The following POLI variants were observed in gnomAD, a reference collection of about 807,000 sequenced individuals.
POLI encodes the protein RAD30 homolog B.
In POLI, 58 loss-of-function variants were observed where a neutral mutation model predicts 51.6. The ratio of observed to expected loss-of-function variants is 1.12; its 90% CI spans 0.91 to 1.40. The LOEUF (loss-of-function observed/expected upper bound fraction) is 1.40. POLI is among the 40% of genes most tolerant of loss of function. The pLI is 0.00. For synonymous variants in POLI, 322 were observed against 299.7 expected (o/e 1.07, Z -0.77); for missense variants, 921 against 871.3 (o/e 1.06, Z -0.72).
In POLI at chr18:54,294,322, G is replaced by A. The variant is rs771877024; in HGVS notation, c.2078G>A (p.Arg693Lys). The part of the protein sequence containing the change: ...TDSHEGLTEN[R>K]EPDSVDEKIT... The stretch of plus-strand genomic sequence containing the variant: ...TCTCATGAAGGACTTACAGAAAATA[G>A]AGAGCCAGATTCTGTTGATGAGAAA... Residue 693 changes from arginine (R) to lysine (K), a missense_variant, in exon 10 of 10, where the codon AGA (arginine) becomes AAA (lysine). Arg to Lys is a conservative substitution (Grantham distance 26). Transcript: ENST00000579534. 1 of 1,613,212 alleles carries A rather than the reference G, an allele frequency of 6.2e-7. No individual in the cohort carries two copies. The highest frequency in any genetic ancestry group is 2.2e-5 in the East Asian group (1 of 44,854).
chr18:54,311,118 A>G (rs1568160385), intron 3 of POLI: 2 of 983,654 alleles, frequency 2.0e-6, no homozygotes, highest in African/African-American at 1.7e-5. Flanking sequence ...TGAAATCAGT[A>G]TGCTGCCACC....
Position 54,269,763 on chromosome 18 carries a change from CG to C in POLI, c.115+103del, listed in dbSNP as rs765314911. The C allele has an allele frequency of 1.9e-5, 26 of 1,394,666 alleles. No individual in the cohort carries two copies. The African/African-American group carries it at 2.6e-4, about 14-fold the overall frequency. The allele number at this position is 1,394,666 out of a possible 1,614,324, so 86.4% of individuals were successfully genotyped here. A position where few individuals can be genotyped will look rare whatever the true frequency, so the allele number is the denominator to read the frequency against. On this transcript the variant is annotated intron_variant, in intron 1 of 9. Transcript: ENST00000579534. ...GCGGCCACTGGGGCGCGACCGTCCC[CG>C]CCCCACTCGGCTCCTCTAAGAGAGG...
intron 4 of POLI, 48 bp from the exon 5 acceptor site, chr18:54,280,615 AAAAG>A (rs1055720381): frequency 1.0e-5 from 13 of 1,256,614 alleles, no homozygotes; most frequent in Middle Eastern, 1.9e-4. Context: ...TATTTTGTGA[AAAAG>A]AAAAAGGTTT....
In POLI at chr18:54,296,922, GTTA is replaced by G. The variant is rs755129596; in HGVS notation, c.*2461_*2463del. 2.1e-6 allele frequency: 2 copies of G among 967,312 alleles called. No individual in the cohort carries two copies. The highest frequency in any genetic ancestry group is 2.5e-6 in the Non-Finnish European group (2 of 813,582). The allele number at this position is 967,312 out of a possible 1,614,324, so 59.9% of individuals were successfully genotyped here. ...AAGTCTTTATAAGTCTACATTTAAG[GTTA>G]TTATTGCATATCATTGTGACTTATT... On this transcript the variant is annotated 3_prime_UTR_variant, in exon 10 of 10. Coordinates refer to ENST00000579534, the MANE Select transcript of POLI (RefSeq NM_007195.3).
chr18:54,282,714 A>AG, intron 5 of POLI, 123 bp from the exon 6 acceptor site: 1 of 596,926 alleles, frequency 1.7e-6, no homozygotes. Flanking sequence ...CCTGTGGATA[A>AG]GGGGGGACTA....
At chr18:54,310,930 TA>T (rs970313384) in intron 3 of POLI, among the ~76,000 whole-genome samples, 4 of 151,906 alleles carry the variant, frequency 2.6e-5, no homozygotes, top group East Asian at 1.9e-4. Context: ...CTCTTTTTAT[TA>T]AAAAAAAGTA....
In POLI at chr18:54,284,065, G is replaced by A. The variant is rs3218782; in HGVS notation, c.1067+52G>A. ...CATCCTATGTATTCATTCTATATAC[G>A]GTATGTGGAAAGAATATTTGATGTT... On this transcript the variant is annotated intron_variant, in intron 7 of 9. Transcript: ENST00000579534. 2,916 of 615,468 alleles carry A rather than the reference G, an allele frequency of 4.7e-3. 13 individuals carry two copies. The highest frequency in any genetic ancestry group is 6.4e-3 in the Non-Finnish European group (2,223 of 347,942). The allele number at this position is 615,468 out of a possible 1,614,324, so 38.1% of individuals were successfully genotyped here.
chr18:54,300,590 T>C (rs1422778534), downstream of POLI, among the ~76,000 whole-genome samples: 1 of 151,902 alleles, frequency 6.6e-6, no homozygotes, highest in Non-Finnish European at 1.5e-5. Context: ...AGAAAACAAA[T>C]AGTAGGTTGG....
chr18:54,288,421 CT>C, intron 8 of POLI, among the ~76,000 whole-genome samples: 1 of 152,208 alleles, frequency 6.6e-6, no homozygotes, highest in African/African-American at 2.4e-5. Context: ...GGTCTTCATT[CT>C]TTGCTTTGCA....
Position 54,295,943 on chromosome 18 carries a change from A to T in POLI, c.*1476A>T. 1 of 985,070 alleles carries T rather than the reference A, an allele frequency of 1.0e-6. No homozygotes were observed. Among genetic ancestry groups the T allele is most frequent in the Non-Finnish European group, 1.2e-6 (1 of 829,654 alleles). The allele number at this position is 985,070 out of a possible 1,614,324, so 61.0% of individuals were successfully genotyped here. On this transcript the variant is annotated 3_prime_UTR_variant, in exon 10 of 10. Coordinates refer to ENST00000579534, the MANE Select transcript of POLI (RefSeq NM_007195.3). ...CTCCTGGCCCCAGCTCTGAAATTTT[A>T]ACTTAGTTTTGGATTCCTTGGAATT...
At chr18:54,270,326 T>A (rs1294798076) in intron 1 of POLI, 1 of 152,352 alleles carries the variant, frequency 6.6e-6, no homozygotes. Context: ...CCACCACACC[T>A]GGCTGATTTT....
At chr18:54,302,841 T>C (rs1444594327), downstream of POLI, among the ~76,000 whole-genome samples, 1 of 152,190 alleles carries the variant, frequency 6.6e-6, no homozygotes, top group East Asian at 1.9e-4. Context: ...TTTTAATTTT[T>C]AGCTCCCACA....
downstream of POLI, among the ~76,000 whole-genome samples, chr18:54,298,654 G>C (rs1422896591): frequency 2.8e-5 from 4 of 145,024 alleles, no homozygotes; most frequent in Non-Finnish European, 6.0e-5. Context: ...GCAAAGGTGT[G>C]ATCTTGACTC....
chr18:54,284,094 T>C, intron 7 of POLI, 81 bp downstream of exon 7: 5 of 540,396 alleles, frequency 9.3e-6, no homozygotes, highest in Non-Finnish European at 3.4e-6. Context: ...TGATGTTCCA[T>C]CTTGGAACTG....
At position 54,298,223 on chromosome 18, in the gene POLI, C is replaced by A. The variant is rs2088426077; in HGVS notation, c.*3756C>A. 1 of 219,584 alleles carries A rather than the reference C, an allele frequency of 4.6e-6. No homozygotes were observed. The highest frequency in any genetic ancestry group is 7.7e-6 in the Non-Finnish European group (1 of 129,834). The allele number at this position is 219,584 out of a possible 1,614,324, so 13.6% of individuals were successfully genotyped here. A position where few individuals can be genotyped will look rare whatever the true frequency, so the allele number is the denominator to read the frequency against. ...TAACTGTCCAAGTCAAGAAATAAAA[C>A]ATATCAAGTAATCAAGAAGTCCAGA... On this transcript the variant is annotated 3_prime_UTR_variant, in exon 10 of 10. Transcript: ENST00000579534.
Position 54,269,681 on chromosome 18 carries a change from G to T in POLI, c.115+20G>T. 1 of 1,495,406 alleles carries T rather than the reference G, an allele frequency of 6.7e-7. No individual in the cohort carries two copies. 92.6% of individuals were successfully genotyped at this position (1,495,406 alleles called of 1,614,324 possible). A position where few individuals can be genotyped will look rare whatever the true frequency, so the allele number is the denominator to read the frequency against. ...CGCAGGGTGCGCCGCAGCCAGAGGA[G>T]CCAGCGGCCTCCTTGGGTGTAAATG... is the stretch of plus-strand genomic sequence containing the variant. On this transcript the variant is annotated intron_variant, in intron 1 of 9. Coordinates refer to ENST00000579534, the MANE Select transcript of POLI (RefSeq NM_007195.3).
chr18:54,311,055 C>T, intron 3 of POLI: 1 of 973,612 alleles, frequency 1.0e-6, no homozygotes, highest in Non-Finnish European at 1.2e-6. Context: ...AGCCACTGTG[C>T]CCAGTCTAGC....
At chr18:54,303,553 G>T (rs2088528771) in intron 3 of POLI, among the ~76,000 whole-genome samples, 1 of 152,234 alleles carries the variant, frequency 6.6e-6, no homozygotes, top group Admixed American at 6.5e-5. Flanking sequence ...ATTTTGGAGT[G>T]TGTGTTCATG....
At chr18:54,293,005 A>G (rs1436701046) in intron 9 of POLI, among the ~76,000 whole-genome samples, 2 of 152,048 alleles carry the variant, frequency 1.3e-5, no homozygotes, top group Non-Finnish European at 2.9e-5. Context: ...TACTACTTTT[A>G]CTTTTTTGGA....
Sources: allele counts gnomAD v4.1 joint callset (sites outside exome capture counted in the v4.1 genomes callset), GRCh38; gene constraint gnomAD v4.1.1; transcripts MANE v1.5; gene names NCBI Gene and HGNC (gene_info 2026-07-23, HGNC 2026-07-21).